CEP63: variants seen among roughly 807,000 people sequenced by gnomAD.
CEP63 encodes centrosomal protein of 63 kDa.
A neutral mutation model predicts 89.1 loss-of-function variants in CEP63; 84 were observed. The ratio of observed to expected loss-of-function variants is 0.94; its 90% confidence interval spans 0.79 to 1.13. CEP63 has a LOEUF of 1.13. Ranked by LOEUF, CEP63 falls within the 50% of genes most tolerant of loss-of-function variation. The pLI is 0.00. For missense variants in CEP63, 838 were observed against 813.3 expected (o/e 1.03, Z -0.37); for synonymous variants, 267 against 272.5 (o/e 0.98, Z 0.20).
chr3:134,644,363 C>T, the CEP63 span, among the ~76,000 whole-genome samples: 14 of 152,348 alleles, frequency 9.2e-5, no homozygotes, highest in Middle Eastern at 3.4e-3. Flanking sequence ...GGCCAAGAAG[C>T]GGGAGCTCAC....
chr3:134,772,641 C>A, the CEP63 span, among the ~76,000 whole-genome samples: 1 of 152,084 alleles, frequency 6.6e-6, no homozygotes, highest in Non-Finnish European at 1.5e-5. Flanking sequence ...TTAGATATTC[C>A]CATTTGTCTC....
intron 10 of CEP63, among the ~76,000 whole-genome samples, chr3:134,584,663 G>A (rs1958439522): frequency 6.6e-6 from 1 of 152,130 alleles, no homozygotes; most frequent in African/African-American, 2.4e-5. Context: ...TCTCTGCCAG[G>A]CTTTGGTATC....
chr3:134,589,122 T>A (rs1310663175), downstream of CEP63, among the ~76,000 whole-genome samples: 1 of 152,210 alleles, frequency 6.6e-6, no homozygotes, highest in East Asian at 1.9e-4. Flanking sequence ...TGTTTCCAAA[T>A]ATTTAAGGAA....
chr3:134,643,509 G>A, the CEP63 span: 1 of 683,788 alleles, frequency 1.5e-6, no homozygotes, highest in East Asian at 2.7e-5. Context: ...CTAAATGTGT[G>A]CACACCCTCA....
the CEP63 span, among the ~76,000 whole-genome samples, chr3:134,770,254 T>C: frequency 6.6e-6 from 1 of 152,334 alleles, no homozygotes; most frequent in East Asian, 1.9e-4. Context: ...GGACATTCAA[T>C]AGCAGAACTC....
chr3:134,647,393 A>G, the CEP63 span: 2 of 1,389,310 alleles, frequency 1.4e-6, no homozygotes, highest in East Asian at 2.3e-5. Flanking sequence ...TTATTATTCA[A>G]TGTATTAAAT....
the CEP63 span, among the ~76,000 whole-genome samples, chr3:134,695,362 C>T: frequency 2.0e-5 from 3 of 152,244 alleles, no homozygotes. Context: ...CTTGAGCATA[C>T]ATTGCCTGGC....
chr3:134,547,628 T>TTTTTTTTTTTTTTTTTTTTTTTTTTTTTG (rs1182808443), intron 9 of CEP63, among the ~76,000 whole-genome samples, 156 bp downstream of exon 9: 1 of 122,604 alleles, frequency 8.2e-6, no homozygotes. Context: ...TTTTTTTTTT[T>TTTTTTTTTTTTTTTTTTTTTTTTTTTTTG]TGAGACGGAG....
At chr3:134,640,225 T>TG in the CEP63 span, among the ~76,000 whole-genome samples, 2 of 131,600 alleles carry the variant, frequency 1.5e-5, no homozygotes, top group African/African-American at 2.8e-5. Context: ...GGGGGTTGGG[T>TG]GGGGGGTACT....
At chr3:134,659,400 T>C in the CEP63 span, among the ~76,000 whole-genome samples, 1,538 of 152,308 alleles carry the variant, frequency 0.01, 36 homozygotes, top group East Asian at 0.094. Context: ...CATTTCCATT[T>C]CCATGAACTC....
At chr3:134,677,879 A>G in the CEP63 span, among the ~76,000 whole-genome samples, 2 of 151,794 alleles carry the variant, frequency 1.3e-5, no homozygotes. Flanking sequence ...GCCGTGTCCC[A>G]AGTATTCCTG....
At chr3:134,521,350 A>G (rs958065461) in intron 3 of CEP63, among the ~76,000 whole-genome samples, 4 of 152,194 alleles carry the variant, frequency 2.6e-5, no homozygotes, top group Non-Finnish European at 4.4e-5. Context: ...TTTACTTTCA[A>G]TTTAATTTTG....
chr3:134,657,549 C>T, the CEP63 span, among the ~76,000 whole-genome samples: 4 of 152,092 alleles, frequency 2.6e-5, no homozygotes, highest in Non-Finnish European at 5.9e-5. Flanking sequence ...TTTATACTGA[C>T]GTGCCACAAT....
At chr3:134,496,430 AAG>A (rs919275268) in intron 2 of CEP63, among the ~76,000 whole-genome samples, 107 of 22,204 alleles carry the variant, frequency 4.8e-3, no homozygotes, top group Middle Eastern at 0.017. Flanking sequence ...ATAGAAAAAA[AAG>A]GGGGGGGGGG....
chr3:134,695,384 G>A, the CEP63 span, among the ~76,000 whole-genome samples: 7 of 152,246 alleles, frequency 4.6e-5, no homozygotes, highest in Non-Finnish European at 8.8e-5. Flanking sequence ...TCTCGAGTAA[G>A]AGGTGGCAAC....
In CEP63 at chr3:134,545,597, C is replaced by T. The variant is rs146845434; in HGVS notation, c.567C>T (p.Val189=). Residue 189 remains valine (V), a synonymous_variant, in exon 7 of 15, where the codon GTC becomes GTT. Transcript: ENST00000675561. The stretch of plus-strand genomic sequence containing the variant: ...GTCTGTGTTTCTAGGCTCAGCTTGT[C>T]AATCGGAAACAGAAATTAGAGTCTG... ...EQSEIIQAQL[V]NRKQKLESVE... is the part of the protein sequence containing the mutation. 2 of 1,613,464 alleles carry T rather than the reference C, an allele frequency of 1.2e-6. No homozygotes were observed. Among genetic ancestry groups the T allele is most frequent in the Non-Finnish European group, 1.7e-6 (2 of 1,179,556 alleles).
the CEP63 span, among the ~76,000 whole-genome samples, chr3:134,692,914 C>G: frequency 1.8e-4 from 27 of 152,318 alleles, no homozygotes; most frequent in Admixed American, 7.2e-4. Context: ...GCTTCTTTCC[C>G]TTCTCTTCCA....
rs201559338 is a variant in CEP63 at position 134,557,384 on chromosome 3, T to G, written c.1468-758T>G. ...GCTTACTTTCATAATTTGTTTTTTT[T>G]TTTTTTTTTTTTTTTTTTTTACAGA... On this transcript the variant is annotated intron_variant, in intron 12 of 14. Coordinates refer to ENST00000675561, the MANE Select transcript of CEP63 (RefSeq NM_001353108.3). 4.5e-3 allele frequency among the ~76,000 whole-genome samples: 277 copies of G among 61,698 alleles called. 5 individuals are homozygous for G. Among genetic ancestry groups the G allele is most frequent in the Non-Finnish European group, 5.5e-3 (118 of 21,266 alleles). The allele number at this position is 61,698 out of a possible 152,430, so 40.5% of individuals were successfully genotyped here.
At chr3:134,510,610 G>T in intron 3 of CEP63, 1 of 658,990 alleles carries the variant, frequency 1.5e-6, no homozygotes. Flanking sequence ...TGCAGGGGTG[G>T]GAAATTGGGA....
Sources: gnomAD v4.1 joint callset for allele counts (sites outside exome capture counted in the v4.1 genomes callset) on GRCh38, gnomAD v4.1.1 for gene constraint, MANE v1.5 for transcripts, NCBI Gene and HGNC (gene_info 2026-07-23, HGNC 2026-07-21) for gene names.